Variants in NUMB observed in about 807,000 individuals in gnomAD.
The protein encoded by NUMB is protein numb homolog.
NUMB carries 29 observed loss-of-function variants against 59.7 expected under a neutral mutation model. That is an observed-to-expected ratio of 0.49 (90% CI 0.36 to 0.66). NUMB has a LOEUF of 0.66. Ranked by LOEUF, NUMB falls within the 30% of genes least tolerant of loss-of-function variation. NUMB has a pLI of 0.00. For synonymous variants in NUMB, 288 were observed against 288.2 expected, an observed-to-expected ratio of 1.00 and a Z score of 0.01; for missense variants, 723 against 822.0, an observed-to-expected ratio of 0.88 and a Z score of 1.47.
At position 73,279,431 on chromosome 14, in the gene NUMB, C is replaced by A; in HGVS notation, c.1097-7G>T. On this transcript the variant is annotated splice_polypyrimidine_tract_variant and splice_region_variant and intron_variant, in intron 11 of 12. Transcript: ENST00000555238. Reference sequence around the variant, plus strand: ...GCTGAGTCAGTGCCATTAGCTACAACGGGAGCAGACAACATCAATGGAGTT... The same window carrying A: ...GCTGAGTCAGTGCCATTAGCTACAAAGGGAGCAGACAACATCAATGGAGTT... 6.4e-7 allele frequency: 1 copy of A among 1,568,226 alleles called. No individual in the cohort carries two copies. Among genetic ancestry groups the A allele is most frequent in the Middle Eastern group, 1.7e-4 (1 of 5,832 alleles).
intron 9 of NUMB, chr14:73,285,126 G>A (rs750793856): frequency 2.6e-5 from 4 of 152,316 alleles, no homozygotes; most frequent in Middle Eastern, 3.4e-3. Flanking sequence ...GGGATTACAG[G>A]TATGAGCCAC....
At chr14:73,360,628 T>G (rs556616551) in intron 3 of NUMB, among the ~76,000 whole-genome samples, 32 of 152,120 alleles carry the variant, frequency 2.1e-4, no homozygotes, top group Non-Finnish European at 3.7e-4. Context: ...CCCAACTAAC[T>G]CTTTATGATC....
chr14:73,276,407 C>T lies in NUMB; in HGVS notation c.*171G>A. The T allele has an allele frequency of 5.2e-6, 3 of 571,708 alleles. No homozygotes were observed. Among genetic ancestry groups the T allele is most frequent in the Non-Finnish European group, 3.1e-6 (1 of 327,828 alleles). The allele number at this position is 571,708 out of a possible 1,614,324, so 35.4% of individuals were successfully genotyped here. A position where few individuals can be genotyped will look rare whatever the true frequency, so the allele number is the denominator to read the frequency against. On this transcript the variant is annotated 3_prime_UTR_variant, in exon 13 of 13. Coordinates refer to ENST00000555238, the MANE Select transcript of NUMB (RefSeq NM_001005743.2). ...GCTTTTCTCTAGGAATGCTTTTTCC[C>T]ATGTCTTTCAAAATCACCCCTCACA...
intron 1 of NUMB, among the ~76,000 whole-genome samples, chr14:73,439,002 C>A (rs1316488778): frequency 6.6e-6 from 1 of 152,146 alleles, no homozygotes; most frequent in African/African-American, 2.4e-5. Context: ...AAGTCAAAGT[C>A]CTTCACGGTA....
chr14:73,406,092 GTTTT>G (rs551368866), intron 2 of NUMB, among the ~76,000 whole-genome samples: 4 of 107,502 alleles, frequency 3.7e-5, no homozygotes, highest in East Asian at 4.4e-4. Flanking sequence ...ACATATTTTT[GTTTT>G]TTTTTTTTTT....
intron 1 of NUMB, among the ~76,000 whole-genome samples, chr14:73,443,616 G>C (rs1398384659): frequency 6.7e-6 from 1 of 148,560 alleles, no homozygotes; most frequent in African/African-American, 2.5e-5. Context: ...AAAAAAAGTA[G>C]AAAAAACAGG....
intron 2 of NUMB, among the ~76,000 whole-genome samples, chr14:73,391,613 G>A (rs1895858072): frequency 6.6e-6 from 1 of 152,174 alleles, no homozygotes; most frequent in African/African-American, 2.4e-5. Flanking sequence ...AAATCACTTA[G>A]ATGGCTTAAT....
chr14:73,296,625 A>G (rs1434032178), intron 7 of NUMB, among the ~76,000 whole-genome samples: 1 of 152,196 alleles, frequency 6.6e-6, no homozygotes, highest in Non-Finnish European at 1.5e-5. Flanking sequence ...GACTAAGTGG[A>G]AGGATAAAGC....
chr14:73,353,261 G>A (rs117462529), intron 4 of NUMB, among the ~76,000 whole-genome samples: 17,660 of 148,692 alleles, frequency 0.12, 2,711 homozygotes, highest in African/African-American at 0.35. Context: ...ATTTTTTTGT[G>A]TTTTTAGTAA....
chr14:73,317,571 G>A (rs1362822125), intron 5 of NUMB, among the ~76,000 whole-genome samples: 7 of 152,290 alleles, frequency 4.6e-5, no homozygotes, highest in African/African-American at 1.4e-4. Context: ...TAAAGTGCTG[G>A]AATTACAGAC....
At chr14:73,311,694 A>G (rs73306895) in intron 6 of NUMB, among the ~76,000 whole-genome samples, 1,649 of 152,324 alleles carry the variant, frequency 0.011, 32 homozygotes, top group African/African-American at 0.037. Context: ...CTGTTGTTCT[A>G]TTTATCCTGG....
chr14:73,418,630 G>A (rs368184305), intron 1 of NUMB, among the ~76,000 whole-genome samples: 12 of 152,018 alleles, frequency 7.9e-5, no homozygotes, highest in Non-Finnish European at 1.8e-4. Flanking sequence ...AATTAGCCAG[G>A]CATGGTGGCA....
chr14:73,411,813 T>A (rs989432300), intron 1 of NUMB, among the ~76,000 whole-genome samples: 3 of 151,360 alleles, frequency 2.0e-5, no homozygotes, highest in Non-Finnish European at 4.4e-5. Context: ...TGTGCCCACA[T>A]CTGTCATATT....
At chr14:73,316,308 T>G (rs532116749) in intron 6 of NUMB, 82 bp downstream of exon 6, 13 of 1,146,590 alleles carry the variant, frequency 1.1e-5, no homozygotes, top group Non-Finnish European at 1.3e-6. Context: ...ACCAAAGCTG[T>G]ACTAGTTTTA....
intron 4 of NUMB, among the ~76,000 whole-genome samples, chr14:73,336,441 T>C (rs1009643218): frequency 6.6e-6 from 1 of 152,162 alleles, no homozygotes; most frequent in Non-Finnish European, 1.5e-5. Context: ...GAATTAAATA[T>C]AACCAAGCCT....
rs779531211 is a variant in NUMB, at chr14:73,276,896, C to T, written c.1638G>A (p.Gln546=). The change falls in exon 13 of 13, where the codon CAG becomes CAA. Residue 546 remains glutamine, a synonymous_variant. Coordinates refer to ENST00000555238, the MANE Select transcript of NUMB (RefSeq NM_001005743.2). The part of the protein sequence containing the change: ...ANVFGTAGHP[Q]AAHPHQSPSL... ...TGGGTGACTGATGGGGATGGGCAGC[C>T]TGAGGGTGGCCTGCAGTGCCAAATA... 3.7e-6 allele frequency: 6 copies of T among 1,614,016 alleles called. No individual in the cohort carries two copies. The highest frequency in any genetic ancestry group is 5.1e-6 in the Non-Finnish European group (6 of 1,179,934).
At chr14:73,451,708 T>C (rs1180176111) in intron 1 of NUMB, among the ~76,000 whole-genome samples, 1 of 152,238 alleles carries the variant, frequency 6.6e-6, no homozygotes, top group African/African-American at 2.4e-5. Flanking sequence ...GTATCACTAT[T>C]ACTTTTCCAA....
At chr14:73,385,880 G>T (rs1350335267) in intron 2 of NUMB, among the ~76,000 whole-genome samples, 1 of 152,102 alleles carries the variant, frequency 6.6e-6, no homozygotes, top group Non-Finnish European at 1.5e-5. Context: ...AAAATTCGTT[G>T]CAATGGAGAA....
At position 73,319,975 on chromosome 14, in the gene NUMB, C is replaced by CA. The variant is rs528484362; in HGVS notation, c.201+3154dup. Among the ~76,000 whole-genome samples, 15 of 152,014 alleles carry CA rather than the reference C, an allele frequency of 9.9e-5. 1 individual carries two copies. The South Asian group carries it at 2.9e-3, about 30-fold the overall frequency. On this transcript the variant is annotated intron_variant, in intron 5 of 12. Transcript: ENST00000555238. ...TGAAACTCTGTCTCTACTAAAAATA[C>CA]AAAAAAACTAGCCAGGTGTGGTGGC... is the stretch of plus-strand genomic sequence containing the variant.
Sources: gnomAD v4.1 joint callset for allele counts (sites outside exome capture counted in the v4.1 genomes callset) on GRCh38, gnomAD v4.1.1 for gene constraint, MANE v1.5 for transcripts, NCBI Gene and HGNC (gene_info 2026-07-23, HGNC 2026-07-21) for gene names.